Variants in CTNND2 observed in about 807,000 individuals in gnomAD.
The protein encoded by CTNND2 is catenin delta-2.
Under a neutral mutation model 144.4 loss-of-function variants are expected in CTNND2, and 22 were observed. That is an observed-to-expected ratio of 0.15 (90% CI 0.11 to 0.22). CTNND2 has a LOEUF of 0.22. CTNND2 is among the 10% of genes least tolerant of loss of function. The pLI, the probability that CTNND2 is intolerant of heterozygous loss-of-function variation, is 1.00. For synonymous variants in CTNND2, 751 were observed against 695.6 expected (o/e 1.08, Z -1.25); for missense variants, 1,353 against 1,618.8 (o/e 0.84, Z 2.82).
chr5:11,797,311 T>C (rs1791455785), intron 1 of CTNND2, among the ~76,000 whole-genome samples: 1 of 152,196 alleles, frequency 6.6e-6, no homozygotes. Flanking sequence ...AGCCTGGCAC[T>C]TGCCTGCGTC....
rs192997952 is a variant in CTNND2, at chr5:11,023,080, G to A, written c.2789-101C>T. ...GGGAGAAGAGAATACGAGAGGCCACGTTTATGCAAAATTGTTTGTTTCCCA... is the reference window on the plus strand; with the variant it reads ...GGGAGAAGAGAATACGAGAGGCCACATTTATGCAAAATTGTTTGTTTCCCA... On this transcript the variant is annotated intron_variant, in intron 16 of 21. Coordinates refer to ENST00000304623, the MANE Select transcript of CTNND2 (RefSeq NM_001332.4). 4.5e-5 allele frequency: 44 copies of A among 987,426 alleles called. No individual in the cohort carries two copies. The East Asian group carries it at 8.2e-4, about 18-fold the overall frequency. 61.2% of individuals were successfully genotyped at this position (987,426 alleles called of 1,614,324 possible).
intron 3 of CTNND2, among the ~76,000 whole-genome samples, chr5:11,427,932 C>T (rs938835529): frequency 6.6e-6 from 1 of 152,180 alleles, no homozygotes; most frequent in Non-Finnish European, 1.5e-5. Context: ...TTCCACATGG[C>T]TGGGGAGGCC....
intron 18 of CTNND2, among the ~76,000 whole-genome samples, chr5:11,004,762 CCTT>C (rs1364191141): frequency 7.1e-6 from 1 of 140,130 alleles, no homozygotes; most frequent in African/African-American, 2.8e-5. Flanking sequence ...GAGTGAAACT[CCTT>C]CTCACAAAAA....
intron 1 of CTNND2, among the ~76,000 whole-genome samples, chr5:11,831,076 G>C (rs186619318): frequency 1.6e-4 from 25 of 152,122 alleles, no homozygotes; most frequent in Admixed American, 4.6e-4. Context: ...ATGTGTGTCT[G>C]CTGGGTTGGA....
At chr5:11,275,122 C>T (rs1381942326) in intron 9 of CTNND2, among the ~76,000 whole-genome samples, 1 of 152,104 alleles carries the variant, frequency 6.6e-6, no homozygotes, top group Non-Finnish European at 1.5e-5. Flanking sequence ...TTGCAAAGTG[C>T]CAGGCACCAT....
intron 1 of CTNND2, among the ~76,000 whole-genome samples, chr5:11,750,149 C>T (rs113342712): frequency 1.3e-4 from 20 of 152,028 alleles, no homozygotes; most frequent in Admixed American, 3.3e-4. Context: ...TAGATACTAG[C>T]GCTGCTGACT....
chr5:11,318,086 C>T (rs1311050446), intron 9 of CTNND2, among the ~76,000 whole-genome samples: 2 of 152,184 alleles, frequency 1.3e-5, no homozygotes, highest in African/African-American at 4.8e-5. Context: ...TGGTGAAGTA[C>T]AGGACTGAGC....
At position 11,177,748 on chromosome 5, in the gene CTNND2, T is replaced by C. The variant is rs1245519167; in HGVS notation, c.1976-17989A>G. On this transcript the variant is annotated intron_variant, in intron 11 of 21. Transcript: ENST00000304623. Reference sequence around the variant, plus strand: ...ATCCATCTAAATTCTGAATAATATATTGCAAAAACAACCTTTGTCATTTTG... The same window carrying C: ...ATCCATCTAAATTCTGAATAATATACTGCAAAAACAACCTTTGTCATTTTG... Among the ~76,000 whole-genome samples the C allele has an allele frequency of 2.0e-5, 3 of 152,294 alleles. No individual in the cohort carries two copies. In the East Asian group the frequency reaches 5.8e-4, roughly 29 times the overall value.
intron 3 of CTNND2, among the ~76,000 whole-genome samples, chr5:11,433,160 G>C (rs561624737): frequency 6.6e-6 from 1 of 151,672 alleles, no homozygotes; most frequent in African/African-American, 2.4e-5. Context: ...GCAGGAGAAT[G>C]GCGTGAACCC....
chr5:11,740,065 C>A (rs149309140), intron 1 of CTNND2, among the ~76,000 whole-genome samples: 387 of 152,254 alleles, frequency 2.5e-3, no homozygotes, highest in African/African-American at 8.4e-3. Context: ...CAAGAACATT[C>A]CATGCTCATG....
intron 10 of CTNND2, among the ~76,000 whole-genome samples, chr5:11,213,630 G>A (rs540985953): frequency 8.5e-5 from 13 of 152,062 alleles, no homozygotes; most frequent in South Asian, 4.2e-4. Context: ...ACAAAATTAT[G>A]TACCAAAAAA....
intron 2 of CTNND2, among the ~76,000 whole-genome samples, chr5:11,673,836 T>C (rs554702836): frequency 6.6e-6 from 1 of 152,338 alleles, no homozygotes; most frequent in South Asian, 2.1e-4. Context: ...CTCTATGATT[T>C]ATCAGCATAT....
intron 2 of CTNND2, among the ~76,000 whole-genome samples, chr5:11,666,333 A>C (rs1783568538): frequency 6.6e-6 from 1 of 152,220 alleles, no homozygotes; most frequent in African/African-American, 2.4e-5. Context: ...ATATCAACCC[A>C]GAGGGGAAAC....
At chr5:11,725,915 A>AT (rs529928110) in intron 2 of CTNND2, among the ~76,000 whole-genome samples, 214 of 152,166 alleles carry the variant, frequency 1.4e-3, no homozygotes, top group African/African-American at 5.0e-3. Context: ...AAAAATCAAC[A>AT]TTTTTCCCAT....
At chr5:11,619,520 T>G (rs2126419133) in intron 2 of CTNND2, among the ~76,000 whole-genome samples, 1 of 152,308 alleles carries the variant, frequency 6.6e-6, no homozygotes, top group Admixed American at 6.5e-5. Context: ...TCCTAGTGGG[T>G]TACTCATTAA....
chr5:11,703,752 T>A (rs1234179136), intron 2 of CTNND2, among the ~76,000 whole-genome samples: 1 of 152,144 alleles, frequency 6.6e-6, no homozygotes, highest in Non-Finnish European at 1.5e-5. Flanking sequence ...TTAAAAAGGG[T>A]GAATTTGAAT....
intron 3 of CTNND2, among the ~76,000 whole-genome samples, chr5:11,530,339 G>A (rs1389989575): frequency 1.3e-5 from 2 of 152,138 alleles, no homozygotes; most frequent in Non-Finnish European, 2.9e-5. Flanking sequence ...TTCAAAGAAT[G>A]GACTTATAGA....
At chr5:11,510,508 C>T (rs543919044) in intron 3 of CTNND2, among the ~76,000 whole-genome samples, 54 of 152,266 alleles carry the variant, frequency 3.5e-4, no homozygotes, top group African/African-American at 1.3e-3. Context: ...AGCTGAATAA[C>T]CTTAATTTAT....
At position 11,111,793 on chromosome 5, in the gene CTNND2, T is replaced by C. The variant is rs2079245; in HGVS notation, c.2278-750A>G. Among the ~76,000 whole-genome samples the C allele has an allele frequency of 3.9e-5, 6 of 151,990 alleles. No individual in the cohort carries two copies. The East Asian group carries it at 1.2e-3, about 29-fold the overall frequency. ...CACATCTTAGGTTCTTGTGCATTAG[T>C]TGAGCTAAAACATGTGTGTGGTACG... is the stretch of plus-strand genomic sequence containing the variant. On this transcript the variant is annotated intron_variant, in intron 13 of 21. Coordinates refer to ENST00000304623, the MANE Select transcript of CTNND2 (RefSeq NM_001332.4).
Sources: gnomAD v4.1 joint callset for allele counts (sites outside exome capture counted in the v4.1 genomes callset) on GRCh38, gnomAD v4.1.1 for gene constraint, MANE v1.5 for transcripts, NCBI Gene and HGNC (gene_info 2026-07-23, HGNC 2026-07-21) for gene names.